The following CTNNA2 variants were observed in gnomAD, a reference collection of about 807,000 sequenced individuals.
CTNNA2 encodes the protein catenin alpha-2.
CTNNA2 carries 42 observed loss-of-function variants against 101.0 expected under a neutral mutation model. That is an observed-to-expected ratio of 0.42 (90% CI 0.32 to 0.54). The LOEUF (loss-of-function observed/expected upper bound fraction) is 0.54, where lower values mean the gene tolerates loss of function less well. Among genes scored for constraint, CTNNA2 ranks in the 20% least tolerant of loss-of-function variants. The pLI is 0.14. For synonymous variants in CTNNA2, 450 were observed against 456.4 expected, an observed-to-expected ratio of 0.99 and a Z score of 0.18; for missense variants, 871 against 1,223.1, an observed-to-expected ratio of 0.71 and a Z score of 4.29.
chr2:79,461,931 T>C (rs1258269343), intron 4 of CTNNA2, among the ~76,000 whole-genome samples: 1 of 151,996 alleles, frequency 6.6e-6, no homozygotes, highest in Non-Finnish European at 1.5e-5. Context: ...GTAGCCAATG[T>C]ACAGTAGCAA....
intron 7 of CTNNA2, among the ~76,000 whole-genome samples, chr2:80,176,683 A>T (rs913674532): frequency 1.3e-5 from 2 of 152,184 alleles, no homozygotes; most frequent in East Asian, 1.9e-4. Context: ...ATACTAAGAG[A>T]TGCCCTAAGG....
chr2:80,006,739 T>C lies in CTNNA2; in HGVS notation c.1056+96942T>C, dbSNP rs556861583. ...TTCTTCTTGTGGGCACTACCCTATT[T>C]ACTGGAATGACTAAAAGTCCAGGGC... On this transcript the variant is annotated intron_variant, in intron 7 of 18. Coordinates refer to ENST00000402739, the MANE Select transcript of CTNNA2 (RefSeq NM_001282597.3). 4.6e-5 allele frequency among the ~76,000 whole-genome samples: 7 copies of C among 152,294 alleles called. 1 individual carries two copies. In the South Asian group the frequency reaches 1.5e-3, roughly 32 times the overall value.
intron 7 of CTNNA2, among the ~76,000 whole-genome samples, chr2:80,290,785 T>C (rs564964279): frequency 2.0e-5 from 3 of 151,986 alleles, no homozygotes; most frequent in Non-Finnish European, 4.4e-5. Flanking sequence ...CTGGTGTAGC[T>C]CATAACTATG....
intron 2 of CTNNA2, among the ~76,000 whole-genome samples, chr2:79,229,790 G>C (rs1471012602): frequency 1.3e-5 from 2 of 152,204 alleles, no homozygotes; most frequent in African/African-American, 2.4e-5. Context: ...TAGCAATATG[G>C]ACAATAAAGT....
At chr2:80,137,461 T>G (rs1405064830) in intron 7 of CTNNA2, among the ~76,000 whole-genome samples, 2 of 152,108 alleles carry the variant, frequency 1.3e-5, no homozygotes, top group Non-Finnish European at 2.9e-5. Flanking sequence ...AACAGTGAAT[T>G]AGCAAGGCAA....
chr2:79,981,859 C>T (rs974721793), intron 7 of CTNNA2, among the ~76,000 whole-genome samples: 1 of 151,910 alleles, frequency 6.6e-6, no homozygotes, highest in South Asian at 2.1e-4. Context: ...TAAATCCTGG[C>T]AAACTTTGAT....
At chr2:79,552,379 G>C (rs548840221) in intron 1 of CTNNA2, among the ~76,000 whole-genome samples, 1 of 152,106 alleles carries the variant, frequency 6.6e-6, no homozygotes, top group African/African-American at 2.4e-5. Flanking sequence ...TGCTTCCACC[G>C]GTTGGCATTG....
rs953386961 is a variant in CTNNA2 at position 80,389,105 on chromosome 2, G to T, written c.1057-4106G>T. 2.6e-5 allele frequency among the ~76,000 whole-genome samples: 4 copies of T among 152,214 alleles called. No individual in the cohort carries two copies. The South Asian group carries it at 8.3e-4, about 32-fold the overall frequency. Reference sequence around the variant, plus strand: ...TACATTATCTGCCTGGATGGAGAAAGCAGAAGGACAGGTGATCCAAAAATA... The same window carrying T: ...TACATTATCTGCCTGGATGGAGAAATCAGAAGGACAGGTGATCCAAAAATA... On this transcript the variant is annotated intron_variant, in intron 7 of 18. Coordinates refer to ENST00000402739, the MANE Select transcript of CTNNA2 (RefSeq NM_001282597.3).
chr2:79,968,741 CG>C (rs1690261964), intron 7 of CTNNA2, among the ~76,000 whole-genome samples: 1 of 152,050 alleles, frequency 6.6e-6, no homozygotes, highest in Non-Finnish European at 1.5e-5. Flanking sequence ...AATTCCATTT[CG>C]TATGGTTACT....
At chr2:80,495,481 A>C (rs1335080260) in intron 9 of CTNNA2, among the ~76,000 whole-genome samples, 1 of 152,148 alleles carries the variant, frequency 6.6e-6, no homozygotes, top group African/African-American at 2.4e-5. Context: ...CCCAACCACC[A>C]AAAAAAGAAA....
At chr2:79,968,623 ATTGTAAG>A (rs1271321369) in intron 7 of CTNNA2, among the ~76,000 whole-genome samples, 1 of 152,198 alleles carries the variant, frequency 6.6e-6, no homozygotes, top group African/African-American at 2.4e-5. Context: ...CCTGGGCAAT[ATTGTAAG>A]ACCCTCAACT....
rs554815819 is a variant in CTNNA2 at position 79,458,413 on chromosome 2, T to C, written c.-134-46641T>C. ...CATGACTAGAGTAAGCATGAATGTC[T>C]TGTGCTCTCTCCTGGGCAGTAGTTT... On this transcript the variant is annotated intron_variant, in intron 4 of 21. Coordinates refer to the CTNNA2 transcript ENST00000466387. Among the ~76,000 whole-genome samples, 6 of 152,300 alleles carry C rather than the reference T, an allele frequency of 3.9e-5. No homozygotes were observed. The South Asian group carries it at 1.2e-3, about 32-fold the overall frequency.
intron 6 of CTNNA2, among the ~76,000 whole-genome samples, chr2:79,894,026 C>CTTG (rs1684500157): frequency 6.9e-6 from 1 of 144,148 alleles, no homozygotes. Flanking sequence ...TCTTCTTCTT[C>CTTG]TTCTTCTTCT....
At chr2:79,972,538 G>A (rs923206535) in intron 7 of CTNNA2, among the ~76,000 whole-genome samples, 2 of 152,188 alleles carry the variant, frequency 1.3e-5, no homozygotes, top group East Asian at 3.9e-4. Context: ...ACAGGGAAAA[G>A]ACACTCAAAC....
At chr2:79,275,198 G>A (rs1247319978) in intron 2 of CTNNA2, among the ~76,000 whole-genome samples, 3 of 152,060 alleles carry the variant, frequency 2.0e-5, no homozygotes, top group East Asian at 1.9e-4. Flanking sequence ...ATTTCAAGCT[G>A]TGTCAAGACA....
intron 4 of CTNNA2, among the ~76,000 whole-genome samples, chr2:79,499,897 T>C (rs1671301065): frequency 6.6e-6 from 1 of 152,202 alleles, no homozygotes; most frequent in African/African-American, 2.4e-5. Context: ...GGCTGGCAAG[T>C]CTAAAATCTG....
At chr2:79,218,144 A>G (rs896265274) in intron 2 of CTNNA2, among the ~76,000 whole-genome samples, 1 of 152,206 alleles carries the variant, frequency 6.6e-6, no homozygotes, top group Non-Finnish European at 1.5e-5. Flanking sequence ...GAAATTGGTA[A>G]GGCTCTGATC....
At chr2:79,988,328 A>G (rs1028822434) in intron 7 of CTNNA2, among the ~76,000 whole-genome samples, 7 of 152,204 alleles carry the variant, frequency 4.6e-5, no homozygotes, top group Non-Finnish European at 7.3e-5. Context: ...AGGTGCCTCT[A>G]TGATGTGTCT....
intron 2 of CTNNA2, among the ~76,000 whole-genome samples, chr2:79,255,140 T>C (rs1484994419): frequency 6.6e-6 from 1 of 152,186 alleles, no homozygotes; most frequent in Non-Finnish European, 1.5e-5. Context: ...GCTCTTAAGA[T>C]CCCAGGTAAT....
Sources: gnomAD v4.1 joint callset for allele counts (sites outside exome capture counted in the v4.1 genomes callset) on GRCh38, gnomAD v4.1.1 for gene constraint, MANE v1.5 for transcripts, NCBI Gene and HGNC (gene_info 2026-07-23, HGNC 2026-07-21) for gene names.